RIMS4: variants seen among roughly 807,000 people sequenced by gnomAD.
RIMS4 encodes the protein regulating synaptic membrane exocytosis protein 4.
RIMS4 carries 9 observed loss-of-function variants against 29.0 expected under a neutral mutation model. That is an observed-to-expected ratio of 0.31 (90% CI 0.19 to 0.54). The LOEUF is 0.54. Ranked by LOEUF, RIMS4 falls within the 20% of genes least tolerant of loss-of-function variation. The probability of loss-of-function intolerance (pLI) is 0.94; values close to 1 mark genes in which losing one functional copy is unlikely to be tolerated. For synonymous variants in RIMS4, 130 were observed against 152.9 expected (o/e 0.85, Z 1.10); for missense variants, 193 against 365.7 (o/e 0.53, Z 3.85).
At chr20:44,773,460 T>C (rs1601027473) in intron 1 of RIMS4, among the ~76,000 whole-genome samples, 1 of 152,038 alleles carries the variant, frequency 6.6e-6, no homozygotes, top group African/African-American at 2.4e-5. Flanking sequence ...GCACTGTACA[T>C]ATGTCCCTGT....
chr20:44,803,659 G>T (rs762316999), intron 1 of RIMS4, among the ~76,000 whole-genome samples: 1 of 152,170 alleles, frequency 6.6e-6, no homozygotes, highest in South Asian at 2.1e-4. Context: ...AGAAGGGGAG[G>T]GGGGAGGAAG....
At chr20:44,780,995 C>T (rs1027788146) in intron 1 of RIMS4, among the ~76,000 whole-genome samples, 44 of 152,130 alleles carry the variant, frequency 2.9e-4, no homozygotes, top group African/African-American at 8.9e-4. Flanking sequence ...TGGAAGGAAA[C>T]GTTACTCTCA....
In RIMS4 at chr20:44,773,835, C is replaced by T. The variant is rs183256770; in HGVS notation, c.98-2422G>A. Among the ~76,000 whole-genome samples the T allele has an allele frequency of 1.1e-4, 16 of 152,256 alleles. No homozygotes were observed. The East Asian group carries it at 2.7e-3, about 26-fold the overall frequency. On this transcript the variant is annotated intron_variant, in intron 1 of 5. Coordinates refer to ENST00000372851, the MANE Select transcript of RIMS4 (RefSeq NM_182970.4). ...GTCAGAAGGCCCAGGTATGGAGACC[C>T]GGGGCAAGCTGGACGGCATCTTCCC...
intron 1 of RIMS4, among the ~76,000 whole-genome samples, chr20:44,808,920 TCG>T (rs1321721450): frequency 3.3e-5 from 5 of 152,314 alleles, no homozygotes; most frequent in African/African-American, 1.2e-4. Flanking sequence ...TATATGCACT[TCG>T]GGAGAGATAG....
chr20:44,767,948 T>C (rs777817558), intron 2 of RIMS4, among the ~76,000 whole-genome samples: 5 of 152,176 alleles, frequency 3.3e-5, no homozygotes, highest in Non-Finnish European at 5.9e-5. Flanking sequence ...GGGTAGAGGC[T>C]GAGATTCTGC....
At chr20:44,799,028 T>G (rs1464216179) in intron 1 of RIMS4, among the ~76,000 whole-genome samples, 1 of 152,188 alleles carries the variant, frequency 6.6e-6, no homozygotes, top group Non-Finnish European at 1.5e-5. Flanking sequence ...TTGAGCCGGG[T>G]GTGGTGGCTC....
intron 2 of RIMS4, among the ~76,000 whole-genome samples, chr20:44,761,031 A>G (rs2066082630): frequency 6.6e-6 from 1 of 152,146 alleles, no homozygotes; most frequent in Non-Finnish European, 1.5e-5. Context: ...AAATTTACAC[A>G]GATTCTCTCC....
At chr20:44,761,563 C>A (rs367927547) in intron 2 of RIMS4, among the ~76,000 whole-genome samples, 1 of 152,204 alleles carries the variant, frequency 6.6e-6, no homozygotes, top group Non-Finnish European at 1.5e-5. Context: ...GTTCACCCAG[C>A]CTCCCAAGGC....
At chr20:44,761,559 C>T (rs189280330) in intron 2 of RIMS4, among the ~76,000 whole-genome samples, 15 of 152,324 alleles carry the variant, frequency 9.8e-5, no homozygotes, top group African/African-American at 3.6e-4. Flanking sequence ...GAATGTTCAC[C>T]CAGCCTCCCA....
At chr20:44,803,549 G>A (rs1471104747) in intron 1 of RIMS4, among the ~76,000 whole-genome samples, 2 of 152,098 alleles carry the variant, frequency 1.3e-5, no homozygotes, top group African/African-American at 2.4e-5. Flanking sequence ...CTCCCCCGTT[G>A]CAGAAACTGT....
At chr20:44,787,772 C>T (rs2066215538) in intron 1 of RIMS4, among the ~76,000 whole-genome samples, 1 of 151,336 alleles carries the variant, frequency 6.6e-6, no homozygotes, top group African/African-American at 2.4e-5. Context: ...TTATAAACTC[C>T]AGCCCTAAAA....
chr20:44,810,134 C>A, intron 1 of RIMS4, 41 bp downstream of exon 1: 1 of 1,280,708 alleles, frequency 7.8e-7, no homozygotes, highest in Non-Finnish European at 1.1e-6. Context: ...ACCTGGATCC[C>A]GGGACACCCC....
intron 2 of RIMS4, among the ~76,000 whole-genome samples, chr20:44,760,282 C>T (rs1255299940): frequency 2.0e-5 from 3 of 152,170 alleles, no homozygotes; most frequent in Non-Finnish European, 2.9e-5. Flanking sequence ...AGGAGACTTG[C>T]ACTTACTCTT....
At chr20:44,809,697 C>G (rs897074952) in intron 1 of RIMS4, among the ~76,000 whole-genome samples, 1 of 152,068 alleles carries the variant, frequency 6.6e-6, no homozygotes, top group African/African-American at 2.4e-5. Flanking sequence ...CCTGGGGCGC[C>G]GGGCAGGGGT....
chr20:44,771,798 G>A (rs567678388), intron 1 of RIMS4, among the ~76,000 whole-genome samples: 1 of 152,206 alleles, frequency 6.6e-6, no homozygotes, highest in South Asian at 2.1e-4. Flanking sequence ...CAGCAGACTG[G>A]CTGTGTGGAT....
In RIMS4 at chr20:44,784,249, C is replaced by T. The variant is rs75831990; in HGVS notation, c.98-12836G>A. 2.6e-3 allele frequency among the ~76,000 whole-genome samples: 391 copies of T among 152,288 alleles called. 4 individuals are homozygous for T. Among genetic ancestry groups the T allele is most frequent in the African/African-American group, 9.0e-3 (374 of 41,556 alleles). Reference sequence around the variant, plus strand: ...CACGGATGAAAACGTGCAGTGGGTACATGGGAAGCAGAGATGTAGGGGATG... The same window carrying T: ...CACGGATGAAAACGTGCAGTGGGTATATGGGAAGCAGAGATGTAGGGGATG... On this transcript the variant is annotated intron_variant, in intron 1 of 5. Coordinates refer to ENST00000372851, the MANE Select transcript of RIMS4 (RefSeq NM_182970.4).
intron 1 of RIMS4, among the ~76,000 whole-genome samples, chr20:44,804,062 C>CA (rs948976421): frequency 6.6e-6 from 1 of 152,180 alleles, no homozygotes; most frequent in Admixed American, 6.5e-5. Flanking sequence ...GGCCTAGAGT[C>CA]AAACACACCT....
At chr20:44,758,791 T>C (rs1311036218) in intron 2 of RIMS4, among the ~76,000 whole-genome samples, 6 of 152,162 alleles carry the variant, frequency 3.9e-5, no homozygotes. Context: ...GTTTGAACTA[T>C]GGGGAGTGAG....
At chr20:44,785,600 G>A (rs1197855967) in intron 1 of RIMS4, among the ~76,000 whole-genome samples, 1 of 152,146 alleles carries the variant, frequency 6.6e-6, no homozygotes, top group African/African-American at 2.4e-5. Flanking sequence ...AAAAGAAAAA[G>A]CCTTGGCAGG....
Sources: gnomAD v4.1 joint callset for allele counts (sites outside exome capture counted in the v4.1 genomes callset) on GRCh38, gnomAD v4.1.1 for gene constraint, MANE v1.5 for transcripts, NCBI Gene and HGNC (gene_info 2026-07-23, HGNC 2026-07-21) for gene names.